CUBN: variants seen among roughly 807,000 people sequenced by gnomAD.
CUBN encodes the protein 460 kDa receptor.
Under a neutral mutation model 405.3 loss-of-function variants are expected in CUBN, and 282 were observed. That is an observed-to-expected ratio of 0.70 (90% CI 0.63 to 0.77). CUBN has a LOEUF of 0.77. Among genes scored for constraint, CUBN ranks in the 30% least tolerant of loss-of-function variants. The pLI, the probability that CUBN is intolerant of heterozygous loss-of-function variation, is 0.00. For missense variants in CUBN, 4,514 were observed against 4,475.2 expected, an observed-to-expected ratio of 1.01 and a Z score of -0.25; for synonymous variants, 1,684 against 1,617.0, an observed-to-expected ratio of 1.04 and a Z score of -0.99.
chr10:17,098,489 T>C (rs990668117), intron 14 of CUBN, among the ~76,000 whole-genome samples: 15 of 152,364 alleles, frequency 9.8e-5, no homozygotes, highest in African/African-American at 3.6e-4. Context: ...AATGAAATAT[T>C]GAGCATTTCC....
chr10:17,119,750 G>A (rs10508521), intron 6 of CUBN, among the ~76,000 whole-genome samples: 19,485 of 152,116 alleles, frequency 0.13, 1,432 homozygotes, highest in Middle Eastern at 0.24. Flanking sequence ...GAGAAGTGGC[G>A]AAATGTAATT....
chr10:16,995,528 C>A (rs990091371), intron 28 of CUBN, among the ~76,000 whole-genome samples: 18 of 151,944 alleles, frequency 1.2e-4, no homozygotes, highest in Admixed American at 1.3e-4. Flanking sequence ...GAAACAGGAT[C>A]TTGCTATATT....
intron 31 of CUBN, among the ~76,000 whole-genome samples, chr10:16,980,742 A>G (rs748263250): frequency 9.2e-5 from 14 of 152,156 alleles, no homozygotes; most frequent in Admixed American, 7.9e-4. Flanking sequence ...CCTTATGTAG[A>G]TGACGGGTTG....
chr10:16,876,863 G>T, intron 57 of CUBN, 34 bp downstream of exon 57: 2 of 1,588,004 alleles, frequency 1.3e-6, no homozygotes, highest in Non-Finnish European at 1.7e-6. Flanking sequence ...CAGAAAAGAA[G>T]AAAATTCCAA....
intron 55 of CUBN, among the ~76,000 whole-genome samples, chr10:16,889,938 A>AAAAAAAAAACAAAAAACAAAAAAC (rs1840945526): frequency 4.6e-5 from 6 of 129,440 alleles, no homozygotes; most frequent in African/African-American, 1.8e-4. Flanking sequence ...GCCGTGTCAA[A>AAAAAAAAAACAAAAAACAAAAAAC]AAAAAAAAAA....
At chr10:17,115,219 G>A (rs558884000) in intron 7 of CUBN, among the ~76,000 whole-genome samples, 23 of 146,154 alleles carry the variant, frequency 1.6e-4, no homozygotes, top group Non-Finnish European at 2.7e-4. Flanking sequence ...ACTCCAGCCT[G>A]GGTGACAGAG....
At chr10:17,087,568 C>G (rs149489772) in intron 15 of CUBN, among the ~76,000 whole-genome samples, 1 of 150,272 alleles carries the variant, frequency 6.7e-6, no homozygotes. Context: ...CTCCGCCTCC[C>G]GGGTCCAAAC....
At chr10:16,924,805 A>T (rs1404413342) in intron 43 of CUBN, among the ~76,000 whole-genome samples, 1 of 152,204 alleles carries the variant, frequency 6.6e-6, no homozygotes, top group Non-Finnish European at 1.5e-5. Flanking sequence ...GTAATAATAG[A>T]ATCAAAAAAT....
At chr10:16,938,642 C>T (rs1842579755) in intron 38 of CUBN, among the ~76,000 whole-genome samples, 1 of 151,826 alleles carries the variant, frequency 6.6e-6, no homozygotes, top group Admixed American at 6.6e-5. Context: ...ATTTTTAATA[C>T]TCTAACATAA....
rs1840886873 is a variant in CUBN, at chr10:16,888,467, G to C, written c.8855C>G (p.Ala2952Gly). Reference protein sequence around the residue: ...NNMNCTYVIEANPLSVVLLTF... With the variant: ...NNMNCTYVIEGNPLSVVLLTF... ...CAAGAGGACCACTGACAGAGGATTA[G>C]CCTCTATGACATAGGTGCAATTCAT... is the stretch of plus-strand genomic sequence containing the variant. Residue 2952 changes from alanine to glycine, a missense_variant, in exon 56 of 67, where the codon GCT (alanine) becomes GGT (glycine). By Grantham distance (60) the Ala-to-Gly change is moderately conservative (BLOSUM62 0). Around this residue, in one of 5 missense-constraint regions of CUBN, gnomAD observed 1,186 missense variants for 1,186.9 expected, o/e 1.00. Coordinates refer to ENST00000377833, the MANE Select transcript of CUBN (RefSeq NM_001081.4). The C allele has an allele frequency of 6.2e-7, 1 of 1,612,086 alleles. No homozygotes were observed. Among genetic ancestry groups the C allele is most frequent in the Non-Finnish European group, 8.5e-7 (1 of 1,178,328 alleles).
At chr10:16,975,921 G>A (rs4586046) in intron 31 of CUBN, among the ~76,000 whole-genome samples, 83,353 of 150,448 alleles carry the variant, frequency 0.55, 23,422 homozygotes, top group African/African-American at 0.59. Flanking sequence ...GAGCCACCAC[G>A]CCAGGCCAAG....
intron 18 of CUBN, 30 bp from the exon 19 acceptor site, chr10:17,071,634 G>A: frequency 6.3e-7 from 1 of 1,593,168 alleles, no homozygotes; most frequent in Non-Finnish European, 8.6e-7. Flanking sequence ...AGTAGTGCTT[G>A]TCCAGATATT....
At chr10:16,858,751 C>T (rs562154270) in intron 59 of CUBN, among the ~76,000 whole-genome samples, 1 of 152,334 alleles carries the variant, frequency 6.6e-6, no homozygotes, top group East Asian at 1.9e-4. Flanking sequence ...GTAATCAAGA[C>T]AGTGTGATAT....
chr10:16,876,967 C>T lies in CUBN; in HGVS notation c.9036G>A (p.Pro3012=), dbSNP rs576867280. The T allele has an allele frequency of 4.6e-5, 74 of 1,614,120 alleles. No individual in the cohort carries two copies. The highest frequency in any genetic ancestry group is 1.5e-4 in the South Asian group (14 of 91,080). ...CGTTGGAGTAGAAGTTAAGCAGAAC[C>T]GGCCCAGCGATGGTGAGGGGAGCTG... ...EMPAPLTIAG[P]VLLNFYSNEQ... Residue 3012 remains proline, a synonymous_variant, in exon 57 of 67, where the codon CCG becomes CCA. Coordinates refer to ENST00000377833, the MANE Select transcript of CUBN (RefSeq NM_001081.4).
At chr10:16,893,047 T>A (rs1025911239) in intron 54 of CUBN, among the ~76,000 whole-genome samples, 5 of 152,222 alleles carry the variant, frequency 3.3e-5, no homozygotes, top group Non-Finnish European at 7.3e-5. Context: ...TATCAAGAAC[T>A]CATTTCATTG....
chr10:16,921,895 A>C (rs559402822), intron 43 of CUBN, among the ~76,000 whole-genome samples: 1 of 152,160 alleles, frequency 6.6e-6, no homozygotes, highest in African/African-American at 2.4e-5. Context: ...TCTCCAATGG[A>C]GGTAATTCAG....
chr10:17,088,230 C>G lies in CUBN; in HGVS notation c.1881G>C (p.Leu627=). 1.9e-6 allele frequency: 3 copies of G among 1,613,736 alleles called. No homozygotes were observed. Among genetic ancestry groups the G allele is most frequent in the Non-Finnish European group, 1.7e-6 (2 of 1,179,710 alleles). The change falls in exon 15 of 67, where the codon CTG becomes CTC. Residue 627 remains leucine, a synonymous_variant. Coordinates refer to ENST00000377833, the MANE Select transcript of CUBN (RefSeq NM_001081.4). Reference sequence around the variant, plus strand: ...TCAAGGTCCCAAAAGTAAATGTTACCAGGAGGTCAGGACTAGTTACAACAA... The same window carrying G: ...TCAAGGTCCCAAAAGTAAATGTTACGAGGAGGTCAGGACTAGTTACAACAA... ...VWIVVTSPDL[L]VTFTFGTLSL...
chr10:16,875,867 G>A (rs1840483568), intron 57 of CUBN, among the ~76,000 whole-genome samples: 1 of 152,200 alleles, frequency 6.6e-6, no homozygotes, highest in South Asian at 2.1e-4. Context: ...AGCAGCAGTT[G>A]TGCCAAAAGA....
chr10:17,117,403 C>T (rs1042635792), intron 6 of CUBN, among the ~76,000 whole-genome samples: 6 of 152,062 alleles, frequency 3.9e-5, no homozygotes, highest in Non-Finnish European at 8.8e-5. Flanking sequence ...GAGATGGAGT[C>T]TCACTCTGTC....
Sources: allele counts gnomAD v4.1 joint callset (sites outside exome capture counted in the v4.1 genomes callset), GRCh38; gene constraint gnomAD v4.1.1; regional missense constraint gnomAD v4.1.1; transcripts MANE v1.5; gene names NCBI Gene and HGNC (gene_info 2026-07-23, HGNC 2026-07-21).